Variants in CCDC60 observed in about 807,000 individuals in gnomAD.
CCDC60 encodes coiled-coil domain containing 60.
CCDC60 carries 54 observed loss-of-function variants against 63.5 expected under a neutral mutation model. The ratio of observed to expected loss-of-function variants is 0.85; its 90% CI spans 0.68 to 1.07. The LOEUF (loss-of-function observed/expected upper bound fraction) is 1.07, where lower values mean the gene tolerates loss of function less well. Ranked by LOEUF, CCDC60 falls within the 50% of genes least tolerant of loss-of-function variation. The probability of loss-of-function intolerance (pLI) is 0.00; values close to 1 mark genes in which losing one functional copy is unlikely to be tolerated. For missense variants in CCDC60, 651 were observed against 684.3 expected, an observed-to-expected ratio of 0.95 and a Z score of 0.54; for synonymous variants, 206 against 238.8, an observed-to-expected ratio of 0.86 and a Z score of 1.27.
intron 2 of CCDC60, among the ~76,000 whole-genome samples, chr12:119,435,703 CTCAAAG>C (rs1226578972): frequency 1.3e-5 from 2 of 152,210 alleles, no homozygotes; most frequent in Non-Finnish European, 2.9e-5. Flanking sequence ...CAGAGATCTA[CTCAAAG>C]TCATTGTATC....
chr12:119,372,303 G>A (rs1955906087), intron 1 of CCDC60, among the ~76,000 whole-genome samples: 1 of 152,130 alleles, frequency 6.6e-6, no homozygotes, highest in African/African-American at 2.4e-5. Context: ...ATCTTTAAGA[G>A]TTAGGCTAGC....
intron 1 of CCDC60, among the ~76,000 whole-genome samples, chr12:119,379,105 GA>G (rs1235671623): frequency 2.0e-5 from 3 of 152,092 alleles, no homozygotes; most frequent in South Asian, 4.1e-4. Context: ...AAGAGGAGAA[GA>G]AAAAAAGAAA....
chr12:119,423,278 A>G (rs1426996813), intron 1 of CCDC60, among the ~76,000 whole-genome samples: 1 of 152,222 alleles, frequency 6.6e-6, no homozygotes, highest in Non-Finnish European at 1.5e-5. Flanking sequence ...GGAGTATCCA[A>G]AGTTATCATC....
intron 1 of CCDC60, among the ~76,000 whole-genome samples, chr12:119,344,847 TCTCTCTCTCACACACACACA>T (rs1565963632): frequency 9.4e-4 from 104 of 110,634 alleles, no homozygotes; most frequent in African/African-American, 3.4e-3. Context: ...TCTCTCTCTC[TCTCTCTCTCACACACACACA>T]CACACACACA....
chr12:119,408,416 G>A (rs771409843), intron 1 of CCDC60, among the ~76,000 whole-genome samples: 8 of 152,134 alleles, frequency 5.3e-5, no homozygotes, highest in Admixed American at 2.6e-4. Flanking sequence ...ACAGGGAGAC[G>A]GCTCACTCCT....
intron 1 of CCDC60, among the ~76,000 whole-genome samples, chr12:119,411,282 A>G (rs180854839): frequency 6.6e-6 from 1 of 152,292 alleles, no homozygotes; most frequent in African/African-American, 2.4e-5. Context: ...CAGGTATGGG[A>G]CCAGAAACAT....
chr12:119,531,091 G>A, intron 13 of CCDC60, 28 bp downstream of exon 13: 1 of 1,587,696 alleles, frequency 6.3e-7, no homozygotes, highest in Non-Finnish European at 8.6e-7. Flanking sequence ...CCCCTCCACA[G>A]TGTTTCAGGT....
At chr12:119,474,116 A>G (rs1951126845) in intron 3 of CCDC60, among the ~76,000 whole-genome samples, 2 of 152,236 alleles carry the variant, frequency 1.3e-5, no homozygotes, top group Admixed American at 1.3e-4. Context: ...ATTATCAGGG[A>G]AATGCAAATC....
intron 1 of CCDC60, among the ~76,000 whole-genome samples, chr12:119,401,638 CAGAT>C (rs1301484507): frequency 1.3e-5 from 2 of 152,212 alleles, no homozygotes; most frequent in African/African-American, 4.8e-5. Flanking sequence ...TTGTTTGACT[CAGAT>C]AGATTTATCC....
chr12:119,496,261 T>C (rs1220819762), intron 5 of CCDC60, among the ~76,000 whole-genome samples: 1 of 152,200 alleles, frequency 6.6e-6, no homozygotes, highest in Non-Finnish European at 1.5e-5. Flanking sequence ...TTACCCCAGA[T>C]GGGAGTTCAG....
intron 12 of CCDC60, among the ~76,000 whole-genome samples, chr12:119,529,768 G>A (rs1457334423): frequency 1.3e-5 from 2 of 152,140 alleles, no homozygotes; most frequent in African/African-American, 4.8e-5. Flanking sequence ...CCCTCTGTGG[G>A]AGGGAATTTG....
chr12:119,483,933 G>A (rs558468242), intron 4 of CCDC60, among the ~76,000 whole-genome samples: 36 of 149,848 alleles, frequency 2.4e-4, no homozygotes, highest in Non-Finnish European at 5.4e-4. Flanking sequence ...CATGCTTCTG[G>A]GGACTTTTTT....
rs78962321 is a variant in CCDC60, at chr12:119,442,822, G to A, written c.170+14060G>A. ...TAACTGAAGTTGTCTAAATTTACAC[G>A]GTGCTTCCATTGCTGACAACTTCAT... is the stretch of plus-strand genomic sequence containing the variant. On this transcript the variant is annotated intron_variant, in intron 2 of 13. Coordinates refer to ENST00000327554, the MANE Select transcript of CCDC60 (RefSeq NM_178499.5). 5.9e-5 allele frequency among the ~76,000 whole-genome samples: 9 copies of A among 152,218 alleles called. No individual in the cohort carries two copies. The East Asian group carries it at 1.3e-3, about 23-fold the overall frequency.
intron 9 of CCDC60, among the ~76,000 whole-genome samples, chr12:119,522,043 C>A (rs1593212019): frequency 6.6e-6 from 1 of 152,154 alleles, no homozygotes; most frequent in South Asian, 2.1e-4. Flanking sequence ...GGCCTGCCTG[C>A]CTAAAGAAGT....
chr12:119,509,771 G>A (rs1337010457), intron 7 of CCDC60, among the ~76,000 whole-genome samples: 1 of 152,066 alleles, frequency 6.6e-6, no homozygotes, highest in Non-Finnish European at 1.5e-5. Context: ...ACTTCTTCAT[G>A]CCTATTCTGC....
At chr12:119,529,745 T>G (rs1219726596) in intron 12 of CCDC60, among the ~76,000 whole-genome samples, 1 of 152,112 alleles carries the variant, frequency 6.6e-6, no homozygotes, top group Non-Finnish European at 1.5e-5. Flanking sequence ...AAGGGTCTTC[T>G]GCAAACCCTC....
chr12:119,423,414 G>T (rs1956847988), intron 1 of CCDC60, among the ~76,000 whole-genome samples: 1 of 152,154 alleles, frequency 6.6e-6, no homozygotes, highest in South Asian at 2.1e-4. Flanking sequence ...TCCATTTCCT[G>T]CTCCCACCGG....
At chr12:119,411,468 C>A (rs1956599887) in intron 1 of CCDC60, among the ~76,000 whole-genome samples, 1 of 152,288 alleles carries the variant, frequency 6.6e-6, no homozygotes, top group Non-Finnish European at 1.5e-5. Context: ...GATCACACCA[C>A]TGGACTCCAG....
At chr12:119,440,217 T>C (rs1196658317) in intron 2 of CCDC60, among the ~76,000 whole-genome samples, 1 of 152,040 alleles carries the variant, frequency 6.6e-6, no homozygotes, top group East Asian at 1.9e-4. Context: ...AACCCAGAAC[T>C]GAAAATAAAA....
Sources: gnomAD v4.1 joint callset for allele counts (sites outside exome capture counted in the v4.1 genomes callset) on GRCh38, gnomAD v4.1.1 for gene constraint, MANE v1.5 for transcripts, NCBI Gene and HGNC (gene_info 2026-07-23, HGNC 2026-07-21) for gene names.